The following MACROD2 variants were observed in gnomAD, a reference collection of about 807,000 sequenced individuals.
MACROD2 encodes mono-ADP ribosylhydrolase 2, also known as ADP-ribose glycohydrolase MACROD2.
In MACROD2, 36 loss-of-function variants were observed where a neutral mutation model predicts 70.4. The observed-to-expected ratio is 0.51, with a 90% CI of 0.39 to 0.68. MACROD2 has a LOEUF of 0.68. Among genes scored for constraint, MACROD2 ranks in the 30% least tolerant of loss-of-function variants. The probability of loss-of-function intolerance (pLI) is 0.00; values close to 1 mark genes in which losing one functional copy is unlikely to be tolerated. For missense variants in MACROD2, 496 were observed against 538.4 expected, an observed-to-expected ratio of 0.92 and a Z score of 0.78; for synonymous variants, 172 against 178.8, an observed-to-expected ratio of 0.96 and a Z score of 0.30.
intron 8 of MACROD2, among the ~76,000 whole-genome samples, chr20:15,764,893 G>T (rs1235490468): frequency 6.6e-6 from 1 of 152,036 alleles, no homozygotes; most frequent in East Asian, 1.9e-4. Flanking sequence ...TAATCTCTTG[G>T]TTTTCTCCTT....
chr20:15,536,832 G>A (rs1053176744), intron 8 of MACROD2, among the ~76,000 whole-genome samples: 1 of 152,136 alleles, frequency 6.6e-6, no homozygotes, highest in African/African-American at 2.4e-5. Context: ...TTGATAAAAA[G>A]AAACCAGTGG....
intron 6 of MACROD2, among the ~76,000 whole-genome samples, chr20:15,390,368 C>A (rs547977369): frequency 6.6e-6 from 1 of 152,158 alleles, no homozygotes; most frequent in Non-Finnish European, 1.5e-5. Flanking sequence ...TCACCAGTTT[C>A]ATTTTTTTTT....
chr20:15,471,417 T>A (rs1413822282), intron 7 of MACROD2, among the ~76,000 whole-genome samples: 4 of 152,242 alleles, frequency 2.6e-5, no homozygotes, highest in African/African-American at 9.6e-5. Flanking sequence ...TATGATTGCA[T>A]ATATTCAAAC....
At chr20:15,956,272 G>A (rs1362985421) in intron 12 of MACROD2, among the ~76,000 whole-genome samples, 6 of 152,202 alleles carry the variant, frequency 3.9e-5, no homozygotes, top group South Asian at 4.1e-4. Context: ...TATGACCTGA[G>A]CCTTTCTTGA....
Position 14,447,109 on chromosome 20 carries a change from C to T in MACROD2, c.272-46370C>T, listed in dbSNP as rs549566816. On this transcript the variant is annotated intron_variant, in intron 3 of 17. Transcript: ENST00000684519. Reference sequence around the variant, plus strand: ...TCTCAGCTCACTGCAACCTCCACCTCCCGAGTTCAAGTGATTCTCCTGCCT... The same window carrying T: ...TCTCAGCTCACTGCAACCTCCACCTTCCGAGTTCAAGTGATTCTCCTGCCT... Among the ~76,000 whole-genome samples, 223 of 152,184 alleles carry T rather than the reference C, an allele frequency of 1.5e-3. 1 individual carries two copies. Among genetic ancestry groups the T allele is most frequent in the Non-Finnish European group, 2.6e-3 (179 of 68,026 alleles).
Position 15,690,525 on chromosome 20 carries a change from G to A in MACROD2, c.646-172220G>A, listed in dbSNP as rs2050286546. 5.9e-5 allele frequency among the ~76,000 whole-genome samples: 9 copies of A among 152,278 alleles called. No homozygotes were observed. The South Asian group carries it at 1.5e-3, about 25-fold the overall frequency. On this transcript the variant is annotated intron_variant, in intron 8 of 17. Coordinates refer to ENST00000684519, the MANE Select transcript of MACROD2 (RefSeq NM_001351661.2). ...CACCATAAGGATCTGAATGTCGAGG[G>A]ACCAGACTGGGCTGGAAAAATACAT...
At chr20:14,885,623 C>A (rs2073665084) in intron 5 of MACROD2, among the ~76,000 whole-genome samples, 1 of 152,144 alleles carries the variant, frequency 6.6e-6, no homozygotes. Context: ...TTCCAAGGCC[C>A]TGCAGGATGG....
intron 5 of MACROD2, among the ~76,000 whole-genome samples, chr20:15,102,773 A>C (rs1032351412): frequency 1.3e-5 from 2 of 152,080 alleles, no homozygotes; most frequent in Admixed American, 6.6e-5. Flanking sequence ...AATAGCAAAA[A>C]ATTAGAAACA....
intron 5 of MACROD2, among the ~76,000 whole-genome samples, chr20:14,895,805 G>A (rs2073821343): frequency 1.3e-5 from 2 of 152,106 alleles, no homozygotes; most frequent in Admixed American, 1.3e-4. Flanking sequence ...TTCTAGTTGA[G>A]ATTTTTATAA....
chr20:14,379,336 A>T (rs2083400998), intron 3 of MACROD2, among the ~76,000 whole-genome samples: 1 of 152,156 alleles, frequency 6.6e-6, no homozygotes, highest in Admixed American at 6.6e-5. Flanking sequence ...TTTTTTGTTG[A>T]CATAAATTTT....
At chr20:14,598,233 GT>G (rs1372696783) in intron 4 of MACROD2, among the ~76,000 whole-genome samples, 5 of 152,118 alleles carry the variant, frequency 3.3e-5, no homozygotes, top group African/African-American at 1.2e-4. Context: ...GCATGTGCAA[GT>G]TTCCCTCGTA....
chr20:15,664,743 G>A (rs1330132930), intron 8 of MACROD2, among the ~76,000 whole-genome samples: 2 of 152,064 alleles, frequency 1.3e-5, no homozygotes, highest in African/African-American at 4.8e-5. Flanking sequence ...CAAGAGACAC[G>A]CACAGTGGCA....
chr20:15,094,539 C>T (rs1191923558), intron 5 of MACROD2, among the ~76,000 whole-genome samples: 1 of 152,112 alleles, frequency 6.6e-6, no homozygotes, highest in African/African-American at 2.4e-5. Flanking sequence ...ACAAATTTGA[C>T]TCTTGTATAC....
chr20:15,978,100 T>G (rs1293219913), intron 13 of MACROD2, among the ~76,000 whole-genome samples: 2 of 152,178 alleles, frequency 1.3e-5, no homozygotes, highest in African/African-American at 4.8e-5. Context: ...ATGGACATCT[T>G]GTTATACAAT....
At chr20:15,307,846 C>T (rs1208935525) in intron 6 of MACROD2, among the ~76,000 whole-genome samples, 3 of 152,130 alleles carry the variant, frequency 2.0e-5, no homozygotes, top group South Asian at 2.1e-4. Context: ...CCTCACAAAA[C>T]GTATGTTTGT....
At chr20:14,222,337 G>T (rs945802485) in intron 3 of MACROD2, among the ~76,000 whole-genome samples, 1 of 152,226 alleles carries the variant, frequency 6.6e-6, no homozygotes, top group African/African-American at 2.4e-5. Context: ...CTTTTGTAGC[G>T]ACATGGATAG....
intron 8 of MACROD2, among the ~76,000 whole-genome samples, chr20:15,810,267 T>A (rs1433138136): frequency 1.5e-3 from 232 of 151,930 alleles, no homozygotes; most frequent in Admixed American, 2.6e-3. Context: ...TCTATCATTG[T>A]TGGACATTTG....
intron 3 of MACROD2, among the ~76,000 whole-genome samples, chr20:14,215,097 CAT>C (rs1463198119): frequency 2.1e-5 from 3 of 144,544 alleles, no homozygotes; most frequent in African/African-American, 5.1e-5. Flanking sequence ...TCTATTCCAT[CAT>C]ATATATCTAT....
chr20:15,672,895 G>A (rs778959731), intron 8 of MACROD2, among the ~76,000 whole-genome samples: 1 of 152,126 alleles, frequency 6.6e-6, no homozygotes, highest in African/African-American at 2.4e-5. Flanking sequence ...TTGCCATGCT[G>A]TTCTTGTGAC....
Sources: gnomAD v4.1 joint callset for allele counts (sites outside exome capture counted in the v4.1 genomes callset) on GRCh38, gnomAD v4.1.1 for gene constraint, MANE v1.5 for transcripts, NCBI Gene and HGNC (gene_info 2026-07-23, HGNC 2026-07-21) for gene names.